The following LINGO2 variants were observed in gnomAD, a reference collection of about 807,000 sequenced individuals.
LINGO2 encodes leucine rich repeat and Ig domain containing 2.
In LINGO2, 14 loss-of-function variants were observed where a neutral mutation model predicts 30.6. That is an observed-to-expected ratio of 0.46 (90% CI 0.30 to 0.72). The LOEUF (loss-of-function observed/expected upper bound fraction) is 0.72, where lower values mean the gene tolerates loss of function less well. Ranked by LOEUF, LINGO2 falls within the 30% of genes least tolerant of loss-of-function variation. The pLI is 0.07. For missense variants in LINGO2, 729 were observed against 751.7 expected (o/e 0.97, Z 0.35); for synonymous variants, 317 against 288.5 (o/e 1.10, Z -1.00).
At chr9:28,165,452 C>T (rs1321096998) in intron 4 of LINGO2, among the ~76,000 whole-genome samples, 4 of 152,080 alleles carry the variant, frequency 2.6e-5, no homozygotes, top group African/African-American at 9.7e-5. Context: ...ATAAAAGATG[C>T]CTAGTTTTCT....
the LINGO2 span, among the ~76,000 whole-genome samples, chr9:29,095,890 T>C: frequency 2.2e-5 from 3 of 138,468 alleles, 1 homozygote; most frequent in Non-Finnish European, 3.1e-5. Context: ...TAAGAACTGC[T>C]GAGAGCTTGT....
At chr9:28,383,396 T>C (rs1821438512) in intron 2 of LINGO2, among the ~76,000 whole-genome samples, 1 of 151,900 alleles carries the variant, frequency 6.6e-6, no homozygotes, top group Admixed American at 6.6e-5. Context: ...GACCAAACAG[T>C]ATGAAAAAGG....
chr9:28,451,861 T>G (rs1430129474), intron 2 of LINGO2, among the ~76,000 whole-genome samples: 2 of 151,828 alleles, frequency 1.3e-5, no homozygotes, highest in South Asian at 4.1e-4. Flanking sequence ...CAACTGAATA[T>G]GTGCATAATA....
At chr9:28,684,844 T>C in the LINGO2 span, among the ~76,000 whole-genome samples, 1 of 152,062 alleles carries the variant, frequency 6.6e-6, no homozygotes, top group African/African-American at 2.4e-5. Context: ...AACCCTTTAT[T>C]TTAGGTTCAG....
the LINGO2 span, among the ~76,000 whole-genome samples, chr9:28,843,260 T>C: frequency 6.6e-6 from 1 of 151,746 alleles, no homozygotes; most frequent in Non-Finnish European, 1.5e-5. Flanking sequence ...TTTTGACCTA[T>C]AAAAATGACA....
chr9:28,238,916 G>A (rs1181774991), intron 4 of LINGO2, among the ~76,000 whole-genome samples: 1 of 151,872 alleles, frequency 6.6e-6, no homozygotes, highest in South Asian at 2.1e-4. Context: ...GAAAAAAAGA[G>A]AGGAGACCCA....
chr9:28,348,301 C>T (rs545217241), intron 3 of LINGO2, among the ~76,000 whole-genome samples: 15 of 152,140 alleles, frequency 9.9e-5, no homozygotes, highest in South Asian at 4.2e-4. Context: ...GCACCGTGCA[C>T]GAGCCAAAGC....
chr9:27,979,201 G>GATCCT (rs1820741050), intron 5 of LINGO2, among the ~76,000 whole-genome samples: 1 of 151,988 alleles, frequency 6.6e-6, no homozygotes, highest in Non-Finnish European at 1.5e-5. Context: ...TGAGTGTGTG[G>GATCCT]GCTCACAAGG....
chr9:28,122,638 C>T (rs1827130928), intron 4 of LINGO2, among the ~76,000 whole-genome samples: 1 of 152,174 alleles, frequency 6.6e-6, no homozygotes, highest in Non-Finnish European at 1.5e-5. Context: ...AATCGTTCCT[C>T]CTCCTGGACT....
Position 28,165,029 on chromosome 9 carries a change from A to G in LINGO2, c.-87+130179T>C, listed in dbSNP as rs1391154419. On this transcript the variant is annotated intron_variant, in intron 4 of 5. Transcript: ENST00000379992. ...TGAACTCTGATGCAGTGAAGCACCA[A>G]CCTCATCTCTGGGCAATACCTACAT... is the stretch of plus-strand genomic sequence containing the variant. Among the ~76,000 whole-genome samples the G allele has an allele frequency of 3.3e-5, 5 of 152,128 alleles. No individual in the cohort carries two copies. The East Asian group carries it at 9.6e-4, about 29-fold the overall frequency.
chr9:28,561,735 T>TTG lies in LINGO2; in HGVS notation c.-364-85712_-364-85711dup, dbSNP rs72145510. ...ATATATAAATGTATTATATATAATTTTGTGTGTGTGTGTGTATATATATAT... is the reference window on the plus strand; with the variant it reads ...ATATATAAATGTATTATATATAATTTTGTGTGTGTGTGTGTGTATATATATAT... On this transcript the variant is annotated intron_variant, in intron 1 of 5. Coordinates refer to ENST00000379992, the Ensembl canonical transcript of LINGO2. Among the ~76,000 whole-genome samples the TTG allele has an allele frequency of 4.5e-3, 196 of 43,948 alleles. 14 individuals carry two copies. The highest frequency in any genetic ancestry group is 9.1e-3 in the East Asian group (4 of 438). The allele number at this position is 43,948 out of a possible 152,430, so 28.8% of individuals were successfully genotyped here.
At chr9:28,561,781 A>ATGT in intron 1 of LINGO2, among the ~76,000 whole-genome samples, 1 of 102,278 alleles carries the variant, frequency 9.8e-6, no homozygotes, top group South Asian at 2.8e-4. Flanking sequence ...ATATATATAT[A>ATGT]AAAAATATGC....
At chr9:28,873,241 G>A in the LINGO2 span, among the ~76,000 whole-genome samples, 1 of 151,646 alleles carries the variant, frequency 6.6e-6, no homozygotes, top group Admixed American at 6.6e-5. Context: ...GTGGTGGCGG[G>A]CACCTGTAAT....
At chr9:28,017,140 TC>T (rs1409421407) in intron 4 of LINGO2, among the ~76,000 whole-genome samples, 2 of 151,942 alleles carry the variant, frequency 1.3e-5, no homozygotes, top group South Asian at 2.1e-4. Context: ...AAAGCCAACA[TC>T]CCTTCATGTT....
intron 1 of LINGO2, among the ~76,000 whole-genome samples, chr9:28,579,319 T>C (rs913968479): frequency 1.3e-5 from 2 of 152,094 alleles, no homozygotes; most frequent in African/African-American, 4.8e-5. Context: ...TTTAAGGAGA[T>C]GCCTTTCTGA....
intron 4 of LINGO2, among the ~76,000 whole-genome samples, chr9:28,028,353 C>T (rs1432356596): frequency 1.3e-5 from 2 of 152,150 alleles, no homozygotes; most frequent in Non-Finnish European, 1.5e-5. Context: ...GCTTTTCAAG[C>T]TGCTCTACCT....
Position 28,307,234 on chromosome 9 carries a change from G to A in LINGO2, c.-245-11868C>T, listed in dbSNP as rs10968477. The stretch of plus-strand genomic sequence containing the variant: ...CACATCAAAAAGCTTATCCACCATG[G>A]TCAAGTGGGCTTCATCCCTGGGATG... On this transcript the variant is annotated intron_variant, in intron 3 of 5. Coordinates refer to ENST00000379992, the Ensembl canonical transcript of LINGO2. Among the ~76,000 whole-genome samples, 2,458 of 152,132 alleles carry A rather than the reference G, an allele frequency of 0.016. 148 individuals are homozygous for A. In the East Asian group the frequency reaches 0.2, roughly 12 times the overall value.
chr9:28,590,894 A>G (rs1824864579), intron 1 of LINGO2, among the ~76,000 whole-genome samples: 1 of 152,104 alleles, frequency 6.6e-6, no homozygotes, highest in Non-Finnish European at 1.5e-5. Context: ...AATAGCAAAG[A>G]CTTGGAACCA....
intron 1 of LINGO2, among the ~76,000 whole-genome samples, chr9:28,479,799 A>G (rs562436466): frequency 6.7e-5 from 10 of 149,484 alleles, no homozygotes; most frequent in Admixed American, 5.4e-4. Context: ...TTTCTCCCAT[A>G]TAAGTACCAT....
Sources: allele counts gnomAD v4.1 joint callset (sites outside exome capture counted in the v4.1 genomes callset), GRCh38; gene constraint gnomAD v4.1.1; transcripts MANE v1.5; gene names NCBI Gene and HGNC (gene_info 2026-07-23, HGNC 2026-07-21).